SYT12: variants seen among roughly 807,000 people sequenced by gnomAD.
SYT12 encodes synaptotagmin 12.
Under a neutral mutation model 39.5 loss-of-function variants are expected in SYT12, and 27 were observed. The observed-to-expected ratio is 0.68, with a 90% confidence interval of 0.50 to 0.94. SYT12 has a LOEUF of 0.94. SYT12 is among the 40% of genes least tolerant of loss of function. SYT12 has a pLI of 0.00. For synonymous variants in SYT12, 233 were observed against 239.7 expected, an observed-to-expected ratio of 0.97 and a Z score of 0.26; for missense variants, 536 against 572.6, an observed-to-expected ratio of 0.94 and a Z score of 0.65.
rs760494344 is a variant in SYT12 at position 67,043,832 on chromosome 11, C to G, written c.816C>G (p.Leu272=). The G allele has an allele frequency of 1.9e-6, 3 of 1,614,048 alleles. No individual in the cohort carries two copies. Among genetic ancestry groups the G allele is most frequent in the South Asian group, 2.2e-5 (2 of 91,086 alleles). Residue 272 remains leucine, a synonymous_variant, in exon 5 of 8, where the codon CTC becomes CTG. Transcript: ENST00000527043. ...DLPLQPFSGW[L]YLQDQNKAAD... is the part of the protein sequence containing the mutation. ...CGCTGCAGCCCTTCAGTGGCTGGCT[C>G]TATTTACAGGACCAGAACAAGGTAA...
At chr11:67,018,923 G>A (rs1040117800), upstream of SYT12, among the ~76,000 whole-genome samples, 3 of 152,186 alleles carry the variant, frequency 2.0e-5, no homozygotes, top group East Asian at 1.9e-4. Flanking sequence ...GAGCTGAGCC[G>A]GGGCCTGGAA....
chr11:67,047,777 C>CTT (rs1173796349), intron 7 of SYT12, among the ~76,000 whole-genome samples: 837 of 76,064 alleles, frequency 0.011, 101 homozygotes, highest in Non-Finnish European at 0.014. Context: ...ACCCCCATCT[C>CTT]TTTTTTTTTT....
chr11:67,044,553 G>C, intron 5 of SYT12, 40 bp from the exon 6 acceptor site: 11 of 1,602,592 alleles, frequency 6.9e-6, no homozygotes, highest in Non-Finnish European at 9.4e-6. Context: ...CCTCAAGTCG[G>C]GTGGGGAGAA....
chr11:67,035,347 T>TC lies in SYT12; in HGVS notation c.228+510dup, dbSNP rs749806613. Among the ~76,000 whole-genome samples, 212 of 147,898 alleles carry TC rather than the reference T, an allele frequency of 1.4e-3. 1 individual carries two copies. Among genetic ancestry groups the TC allele is most frequent in the South Asian group, 1.7e-3 (8 of 4,666 alleles). ...TCTTTCTTTCTTTTTTTTTTTTTTT[T>TC]CAAAATGCTCCTTGCAGAGCAGGGC... is the stretch of plus-strand genomic sequence containing the variant. On this transcript the variant is annotated intron_variant, in intron 3 of 7. Coordinates refer to ENST00000527043, the MANE Select transcript of SYT12 (RefSeq NM_177963.4).
At chr11:67,006,870 A>G (rs527510266) in exon 1 of SYT12, 34 of 152,238 alleles carry the variant, frequency 2.2e-4, no homozygotes, top group African/African-American at 7.2e-4. Context: ...GGTCTCTCCA[A>G]CCCTGATCCT....
chr11:67,027,638 G>A (rs1296449766), intron 1 of SYT12: 2 of 152,504 alleles, frequency 1.3e-5, no homozygotes, highest in African/African-American at 4.8e-5. Flanking sequence ...GACAGCGTGG[G>A]AGTCTGGGGT....
Position 67,043,892 on chromosome 11 carries a change from G to A in SYT12, c.837+39G>A, listed in dbSNP as rs777773587. 7.6e-6 allele frequency: 12 copies of A among 1,583,688 alleles called. No individual in the cohort carries two copies. In the East Asian group the frequency reaches 2.2e-4, roughly 30 times the overall value. ...CTGCTCGTCCACCTCGGAAGAGCGTGCACACACATACACTTCCAGGAAGGG... is the reference window on the plus strand; with the variant it reads ...CTGCTCGTCCACCTCGGAAGAGCGTACACACACATACACTTCCAGGAAGGG... On this transcript the variant is annotated intron_variant, in intron 5 of 7. Coordinates refer to ENST00000527043, the MANE Select transcript of SYT12 (RefSeq NM_177963.4).
intron 2 of SYT12, among the ~76,000 whole-genome samples, chr11:67,033,513 C>T (rs1000273729): frequency 6.6e-6 from 1 of 152,194 alleles, no homozygotes; most frequent in African/African-American, 2.4e-5. Context: ...CACCTCTCCC[C>T]ACCTTGCTTC....
In SYT12 at chr11:67,044,504, C is replaced by A. The variant is rs568962801; in HGVS notation, c.838-89C>A. The stretch of plus-strand genomic sequence containing the variant: ...AGCCACTTCTCTATGGAGAAGGAAG[C>A]CCCAGCCTTTCCCTGGCAACCAAGG... On this transcript the variant is annotated intron_variant, in intron 5 of 7. Transcript: ENST00000527043. 3.9e-6 allele frequency: 6 copies of A among 1,530,630 alleles called. No homozygotes were observed. The African/African-American group carries it at 6.9e-5, about 18-fold the overall frequency. The allele number at this position is 1,530,630 out of a possible 1,614,324, so 94.8% of individuals were successfully genotyped here.
At chr11:67,030,344 A>G in intron 2 of SYT12, 166 bp downstream of exon 2, 2 of 690,826 alleles carry the variant, frequency 2.9e-6, no homozygotes, top group Admixed American at 5.8e-5. Flanking sequence ...CGCCCTGGGG[A>G]CATCAAGCTT....
intron 3 of SYT12, among the ~76,000 whole-genome samples, chr11:67,017,228 T>G (rs2136196287): frequency 6.6e-6 from 1 of 152,182 alleles, no homozygotes; most frequent in Middle Eastern, 3.4e-3. Flanking sequence ...TCTCTAAAAG[T>G]GAAAGAGTTG....
intron 3 of SYT12, among the ~76,000 whole-genome samples, chr11:67,035,087 G>A (rs889312156): frequency 2.1e-5 from 3 of 142,504 alleles, no homozygotes; most frequent in African/African-American, 7.9e-5. Flanking sequence ...TGGGCTCACT[G>A]CAACCTCTGC....
intron 2 of SYT12, 39 bp from the exon 3 acceptor site, chr11:67,034,606 A>T: frequency 6.4e-7 from 1 of 1,551,838 alleles, no homozygotes; most frequent in Non-Finnish European, 8.6e-7. Flanking sequence ...GTCTGTATCC[A>T]CTAGGAAGCC....
At chr11:67,025,104 AC>A (rs1308501139) in intron 1 of SYT12, among the ~76,000 whole-genome samples, 1 of 152,130 alleles carries the variant, frequency 6.6e-6, no homozygotes, top group Non-Finnish European at 1.5e-5. Context: ...GATCCATTGC[AC>A]CCTGGCACCA....
intron 1 of SYT12, among the ~76,000 whole-genome samples, chr11:67,009,259 G>T (rs1949994613): frequency 6.6e-6 from 1 of 152,078 alleles, no homozygotes; most frequent in Admixed American, 6.5e-5. Flanking sequence ...CCATGCCTTG[G>T]CCTCCTGAAG....
At chr11:67,046,474 T>G (rs1179830177) in intron 7 of SYT12, among the ~76,000 whole-genome samples, 1 of 152,194 alleles carries the variant, frequency 6.6e-6, no homozygotes, top group East Asian at 1.9e-4. Context: ...AGAAAGTCCT[T>G]TGTGCCTTGA....
intron 3 of SYT12, among the ~76,000 whole-genome samples, chr11:67,035,510 T>C (rs1425208566): frequency 1.4e-5 from 2 of 147,376 alleles, no homozygotes; most frequent in Non-Finnish European, 3.0e-5. Context: ...CAGGCTGGAG[T>C]GCAGTGGGGC....
upstream of SYT12, among the ~76,000 whole-genome samples, chr11:67,018,841 A>G (rs1318505828): frequency 6.6e-6 from 1 of 151,850 alleles, no homozygotes; most frequent in East Asian, 1.9e-4. Flanking sequence ...AAAGAAAAAG[A>G]AAACAAAAGT....
intron 2 of SYT12, among the ~76,000 whole-genome samples, chr11:67,034,052 C>T (rs182885798): frequency 5.9e-5 from 9 of 152,290 alleles, no homozygotes; most frequent in African/African-American, 2.2e-4. Context: ...GTAAGAGATT[C>T]ACAGAGAGAA....
Sources: gnomAD v4.1 joint callset for allele counts (sites outside exome capture counted in the v4.1 genomes callset) on GRCh38, gnomAD v4.1.1 for gene constraint, MANE v1.5 for transcripts, NCBI Gene and HGNC (gene_info 2026-07-23, HGNC 2026-07-21) for gene names.